The following EDA variants were observed in gnomAD, a reference collection of about 807,000 sequenced individuals.
The protein encoded by EDA is ectodysplasin-A.
Under a neutral mutation model 23.6 loss-of-function variants are expected in EDA, and 2 were observed. That is an observed-to-expected ratio of 0.08 (90% confidence interval 0.03 to 0.27). The LOEUF is 0.27. Ranked by LOEUF, EDA falls within the 10% of genes least tolerant of loss-of-function variation. EDA has a pLI of 1.00. For missense variants in EDA, 229 were observed against 324.2 expected, an observed-to-expected ratio of 0.71 and a Z score of 2.26; for synonymous variants, 131 against 132.0, an observed-to-expected ratio of 0.99 and a Z score of 0.05.
chrX:69,924,228 G>A (rs1158573789), intron 1 of EDA, among the ~76,000 whole-genome samples: 1 of 111,677 alleles, frequency 9.0e-6, no homozygotes, highest in Admixed American at 9.6e-5. Flanking sequence ...TTTTCGTCAT[G>A]AAGTCTTTGC....
chrX:69,946,739 T>C (rs2018838979), intron 1 of EDA, among the ~76,000 whole-genome samples: 1 of 111,330 alleles, frequency 9.0e-6, no homozygotes, highest in Non-Finnish European at 1.9e-5. Flanking sequence ...TAGAATGTTG[T>C]AGTCAGATGT....
intron 1 of EDA, among the ~76,000 whole-genome samples, chrX:69,771,595 A>C (rs2014641751): frequency 1.8e-5 from 2 of 112,027 alleles, no homozygotes; most frequent in Non-Finnish European, 3.8e-5. Flanking sequence ...TTCCAAAATT[A>C]GATATTGGTG....
intron 1 of EDA, among the ~76,000 whole-genome samples, chrX:69,709,911 A>C (rs1053181704): frequency 1.8e-5 from 2 of 110,971 alleles, no homozygotes; most frequent in Non-Finnish European, 3.8e-5. Context: ...TTGTCAGATG[A>C]GTAGATTGCA....
intron 1 of EDA, among the ~76,000 whole-genome samples, chrX:69,873,508 T>C (rs2017597882): frequency 8.9e-6 from 1 of 112,264 alleles, no homozygotes; most frequent in African/African-American, 3.2e-5. Context: ...TTAGTGAGAT[T>C]AATCAAGAAG....
chrX:69,756,166 C>T (rs749876090), intron 1 of EDA, among the ~76,000 whole-genome samples: 3 of 112,048 alleles, frequency 2.7e-5, no homozygotes, highest in Non-Finnish European at 3.8e-5. Flanking sequence ...TGTTCCTATT[C>T]GGCCATCTTG....
At chrX:69,948,962 A>T (rs1400327303) in intron 1 of EDA, among the ~76,000 whole-genome samples, 1 of 111,918 alleles carries the variant, frequency 8.9e-6, no homozygotes, top group Non-Finnish European at 1.9e-5. Context: ...TGTTTCACTC[A>T]TTGGTGCCAG....
intron 1 of EDA, among the ~76,000 whole-genome samples, chrX:69,653,313 G>A (rs1422508749): frequency 6.3e-5 from 7 of 111,417 alleles, no homozygotes; most frequent in Admixed American, 9.6e-5. Flanking sequence ...TGTGATTTTC[G>A]TACATTGATT....
chrX:69,840,611 A>G (rs2016873079), intron 1 of EDA, among the ~76,000 whole-genome samples: 1 of 68,957 alleles, frequency 1.5e-5, no homozygotes, highest in Non-Finnish European at 3.6e-5. Flanking sequence ...CAAAACAAAT[A>G]TTTTTGTTAA....
intron 1 of EDA, among the ~76,000 whole-genome samples, chrX:69,739,719 T>G (rs1437921024): frequency 9.0e-6 from 1 of 111,338 alleles, no homozygotes; most frequent in Non-Finnish European, 1.9e-5. Context: ...TAGTTCATTT[T>G]TTACTAGCTT....
chrX:69,702,035 C>T (rs1330005857), intron 1 of EDA, among the ~76,000 whole-genome samples: 2 of 111,403 alleles, frequency 1.8e-5, no homozygotes, highest in Non-Finnish European at 3.8e-5. Context: ...GTTCATAAGA[C>T]TGGGTGAGGT....
At chrX:69,682,081 G>C (rs754411991) in intron 1 of EDA, among the ~76,000 whole-genome samples, 1 of 111,708 alleles carries the variant, frequency 9.0e-6, no homozygotes, top group African/African-American at 3.3e-5. Flanking sequence ...GTACCTGGCC[G>C]TGTGAGGTGT....
intron 2 of EDA, among the ~76,000 whole-genome samples, chrX:69,961,891 G>A: frequency 8.9e-6 from 1 of 112,125 alleles, no homozygotes; most frequent in Middle Eastern, 4.6e-3. Flanking sequence ...TTCTTGCTGT[G>A]TCTTATCTTT....
chrX:69,916,495 C>T (rs928553218), intron 1 of EDA, among the ~76,000 whole-genome samples: 4 of 104,835 alleles, frequency 3.8e-5, no homozygotes, highest in African/African-American at 7.0e-5. Context: ...CTCTGCCTCC[C>T]GGGTTCACGC....
intron 1 of EDA, among the ~76,000 whole-genome samples, chrX:69,920,948 CTATTTATTTATTTATT>C (rs4007732): frequency 2.0e-4 from 20 of 100,468 alleles, no homozygotes; most frequent in Non-Finnish European, 3.0e-4. Flanking sequence ...TATTCTGACA[CTATTTATTTATTTATT>C]TATTTATTTA....
chrX:69,999,573 G>A (rs751469123), intron 2 of EDA, among the ~76,000 whole-genome samples: 4 of 102,271 alleles, frequency 3.9e-5, no homozygotes, highest in Non-Finnish European at 5.9e-5. Context: ...CTGAGATGGC[G>A]CCATTGCACT....
intron 2 of EDA, among the ~76,000 whole-genome samples, chrX:69,958,517 CAAAA>C (rs34031076): frequency 1.5e-4 from 13 of 87,243 alleles, no homozygotes; most frequent in Non-Finnish European, 1.1e-4. Context: ...ATAATAATAC[CAAAA>C]AAAAAAAAAA....
chrX:69,726,416 A>G (rs2012802988), intron 1 of EDA, among the ~76,000 whole-genome samples: 1 of 112,275 alleles, frequency 8.9e-6, no homozygotes, highest in South Asian at 3.7e-4. Flanking sequence ...CAAAGACTGA[A>G]GTGGAGCTTT....
chrX:70,004,507 TA>T lies in EDA; in HGVS notation c.503-18709del, dbSNP rs779520750. On this transcript the variant is annotated intron_variant, in intron 2 of 7. Coordinates refer to ENST00000374552, the MANE Select transcript of EDA (RefSeq NM_001399.5). The stretch of plus-strand genomic sequence containing the variant: ...CAAAATTCTCACTCTTCTTTGAAGC[TA>T]ATGGCTTCTATCTTCTTCATATATA... Among the ~76,000 whole-genome samples the T allele has an allele frequency of 3.1e-3, 352 of 112,438 alleles. 1 individual carries two copies. Among genetic ancestry groups the T allele is most frequent in the African/African-American group, 0.011 (338 of 30,969 alleles).
intron 1 of EDA, among the ~76,000 whole-genome samples, chrX:69,945,962 T>C (rs750500446): frequency 7.1e-5 from 8 of 112,064 alleles, no homozygotes; most frequent in African/African-American, 2.3e-4. Flanking sequence ...AGGGAGGCCC[T>C]GGACACACCT....
Sources: allele counts gnomAD v4.1 joint callset (sites outside exome capture counted in the v4.1 genomes callset), GRCh38; gene constraint gnomAD v4.1.1; transcripts MANE v1.5; gene names NCBI Gene and HGNC (gene_info 2026-07-23, HGNC 2026-07-21).